The following NLGN1 variants were observed in gnomAD, a reference collection of about 807,000 sequenced individuals.
NLGN1 encodes neuroligin 1.
A neutral mutation model predicts 65.5 loss-of-function variants in NLGN1; 12 were observed. The observed-to-expected ratio is 0.18, with a 90% CI of 0.12 to 0.30. The LOEUF (loss-of-function observed/expected upper bound fraction) is 0.30. NLGN1 is among the 10% of genes least tolerant of loss of function. NLGN1 has a pLI of 1.00. For synonymous variants in NLGN1, 350 were observed against 359.5 expected (o/e 0.97, Z 0.30); for missense variants, 750 against 1,007.1 (o/e 0.74, Z 3.46).
intron 4 of NLGN1, among the ~76,000 whole-genome samples, chr3:173,876,701 G>C (rs1000244153): frequency 2.0e-5 from 3 of 152,070 alleles, no homozygotes; most frequent in African/African-American, 7.2e-5. Context: ...TAATGGGAAA[G>C]AGCTCCCAGT....
intron 3 of NLGN1, among the ~76,000 whole-genome samples, chr3:173,699,016 C>T (rs1004103811): frequency 6.6e-6 from 1 of 152,028 alleles, no homozygotes; most frequent in African/African-American, 2.4e-5. Flanking sequence ...GCCACCTTGC[C>T]CAGCTAATTT....
chr3:174,258,271 A>C (rs1475687711), intron 4 of NLGN1, among the ~76,000 whole-genome samples: 1 of 152,178 alleles, frequency 6.6e-6, no homozygotes, highest in African/African-American at 2.4e-5. Context: ...TAACCACTGA[A>C]ATAAAATAAG....
At chr3:173,898,826 C>T (rs1386127894) in intron 4 of NLGN1, among the ~76,000 whole-genome samples, 1 of 152,132 alleles carries the variant, frequency 6.6e-6, no homozygotes, top group Non-Finnish European at 1.5e-5. Flanking sequence ...AAAGAGACCT[C>T]ATAAACTACA....
rs1394824171 is a variant in NLGN1, at chr3:173,461,893, A to G, written c.-321+26815A>G. On this transcript the variant is annotated intron_variant, in intron 2 of 6. Coordinates refer to ENST00000457714, the Ensembl canonical transcript of NLGN1. ...AGTTTTCCTAGTGCCTCAAATCTTC[A>G]CCTGTAAATTTCACATAAGAATAAC... Among the ~76,000 whole-genome samples the G allele has an allele frequency of 4.6e-5, 7 of 152,176 alleles. No individual in the cohort carries two copies. In the East Asian group the frequency reaches 7.7e-4, roughly 17 times the overall value.
intron 4 of NLGN1, among the ~76,000 whole-genome samples, chr3:173,829,494 CAAAT>C (rs10576626): frequency 0.66 from 100,214 of 151,620 alleles, 33,992 homozygotes; most frequent in Non-Finnish European, 0.74. Flanking sequence ...TTACCATAGT[CAAAT>C]TAATTAACTC....
intron 4 of NLGN1, among the ~76,000 whole-genome samples, chr3:174,051,980 C>A (rs908801783): frequency 4.8e-5 from 7 of 145,284 alleles, no homozygotes; most frequent in African/African-American, 1.9e-4. Flanking sequence ...AATAAAGAAC[C>A]CCCTCTCCTC....
At chr3:173,757,020 C>T (rs1321327275) in intron 3 of NLGN1, among the ~76,000 whole-genome samples, 1 of 151,892 alleles carries the variant, frequency 6.6e-6, no homozygotes, top group East Asian at 1.9e-4. Flanking sequence ...ACACTGACTC[C>T]ATTTTCTAAA....
chr3:174,057,952 T>C (rs889300110), intron 4 of NLGN1: 1 of 152,064 alleles, frequency 6.6e-6, no homozygotes, highest in Non-Finnish European at 1.5e-5. Context: ...TGGAGTCAAA[T>C]ACAGAAGGAA....
chr3:173,839,525 C>T (rs150677982), intron 4 of NLGN1, among the ~76,000 whole-genome samples: 3,518 of 151,840 alleles, frequency 0.023, 156 homozygotes, highest in African/African-American at 0.082. Context: ...CGGATTCAAG[C>T]GATTCTTCTG....
intron 4 of NLGN1, among the ~76,000 whole-genome samples, chr3:174,248,166 G>T (rs914037001): frequency 3.9e-5 from 6 of 152,146 alleles, no homozygotes; most frequent in African/African-American, 1.4e-4. Flanking sequence ...ACAGTGCTCA[G>T]ACCCCATTTT....
At chr3:174,184,687 C>T (rs908720323) in intron 4 of NLGN1, among the ~76,000 whole-genome samples, 7 of 152,150 alleles carry the variant, frequency 4.6e-5, no homozygotes, top group African/African-American at 1.4e-4. Flanking sequence ...AAGTTGGTCT[C>T]CTTTCCTGGG....
At chr3:173,512,985 C>T (rs1241755314) in intron 2 of NLGN1, among the ~76,000 whole-genome samples, 1 of 152,078 alleles carries the variant, frequency 6.6e-6, no homozygotes, top group Non-Finnish European at 1.5e-5. Context: ...TTTGGTGACC[C>T]CCTATCCCTG....
chr3:173,544,461 A>G (rs1739426743), intron 2 of NLGN1, among the ~76,000 whole-genome samples: 1 of 152,130 alleles, frequency 6.6e-6, no homozygotes, highest in Non-Finnish European at 1.5e-5. Flanking sequence ...TGAATGGGGA[A>G]AAGGACTCAA....
chr3:173,571,388 TGTGA>T (rs1168078141), intron 2 of NLGN1, among the ~76,000 whole-genome samples: 1 of 152,202 alleles, frequency 6.6e-6, no homozygotes, highest in Non-Finnish European at 1.5e-5. Flanking sequence ...TGTCTCTAGG[TGTGA>T]GTATCTAATA....
intron 4 of NLGN1, among the ~76,000 whole-genome samples, chr3:174,040,632 A>T (rs1166640622): frequency 6.6e-6 from 1 of 152,112 alleles, no homozygotes; most frequent in African/African-American, 2.4e-5. Flanking sequence ...CATTTGCAAA[A>T]CATATATTTG....
chr3:173,932,456 T>C lies in NLGN1; in HGVS notation c.646+124624T>C, dbSNP rs575798419. ...TGTGTGTAAGCAGAAAACAAACCAG[T>C]ACTTAACTAGGACATCTGTCTATGA... On this transcript the variant is annotated intron_variant, in intron 4 of 6. Coordinates refer to ENST00000457714, the Ensembl canonical transcript of NLGN1. 1.1e-4 allele frequency among the ~76,000 whole-genome samples: 17 copies of C among 151,448 alleles called. No homozygotes were observed. In the East Asian group the frequency reaches 2.5e-3, roughly 23 times the overall value.
intron 3 of NLGN1, among the ~76,000 whole-genome samples, chr3:173,760,168 C>G (rs144094146): frequency 8.6e-4 from 131 of 152,002 alleles, no homozygotes; most frequent in Non-Finnish European, 1.8e-4. Flanking sequence ...GCTCTGGGGT[C>G]CCATAGAACT....
intron 2 of NLGN1, among the ~76,000 whole-genome samples, chr3:173,547,966 C>T (rs1195366166): frequency 6.6e-6 from 1 of 151,986 alleles, no homozygotes; most frequent in African/African-American, 2.4e-5. Context: ...AAAGCACTAT[C>T]TCGGGAGTAG....
chr3:173,406,514 CAT>C (rs1010354941), intron 1 of NLGN1, among the ~76,000 whole-genome samples: 6 of 146,712 alleles, frequency 4.1e-5, no homozygotes, highest in African/African-American at 1.0e-4. Flanking sequence ...ATATGAATCA[CAT>C]ATATATGAAT....
Sources: allele counts gnomAD v4.1 joint callset (sites outside exome capture counted in the v4.1 genomes callset), GRCh38; gene constraint gnomAD v4.1.1; transcripts MANE v1.5; gene names NCBI Gene and HGNC (gene_info 2026-07-23, HGNC 2026-07-21).